The following HCRTR2 variants were observed in gnomAD, a reference collection of about 807,000 sequenced individuals.
The protein encoded by HCRTR2 is hypocretin receptor 2.
Under a neutral mutation model 49.0 loss-of-function variants are expected in HCRTR2, and 22 were observed. That is an observed-to-expected ratio of 0.45 (90% CI 0.32 to 0.64). The LOEUF (loss-of-function observed/expected upper bound fraction) is 0.64. Among genes scored for constraint, HCRTR2 ranks in the 30% least tolerant of loss-of-function variants. The pLI is 0.04. For synonymous variants in HCRTR2, 236 were observed against 205.3 expected, an observed-to-expected ratio of 1.15 and a Z score of -1.28; for missense variants, 491 against 559.4, an observed-to-expected ratio of 0.88 and a Z score of 1.23.
chr6:55,178,721 C>G (rs978782082), intron 1 of HCRTR2, among the ~76,000 whole-genome samples: 1 of 152,164 alleles, frequency 6.6e-6, no homozygotes, highest in East Asian at 1.9e-4. Flanking sequence ...TGTTGGCACA[C>G]ATTACTCTCC....
In HCRTR2 at chr6:55,174,574, G is replaced by T; in HGVS notation, c.-14G>T. 1 of 1,609,718 alleles carries T rather than the reference G, an allele frequency of 6.2e-7. No individual in the cohort carries two copies. The highest frequency in any genetic ancestry group is 1.1e-5 in the South Asian group (1 of 90,980). On this transcript the variant is annotated 5_prime_UTR_variant, in exon 1 of 7. Transcript: ENST00000370862. ...GAGCTTGCAGCATTGAGCGGAACCG[G>T]ACTTGAGCCCGTGATGTCCGGCACC...
upstream of HCRTR2, chr6:55,174,192 C>CTT (rs1200943273): frequency 3.2e-4 from 57 of 175,698 alleles, no homozygotes; most frequent in South Asian, 8.4e-4. Context: ...GTTTTCATTA[C>CTT]TTTTTTTTTT....
At chr6:55,242,722 C>G (rs1024330224) in intron 1 of HCRTR2, among the ~76,000 whole-genome samples, 1 of 152,132 alleles carries the variant, frequency 6.6e-6, no homozygotes, top group African/African-American at 2.4e-5. Context: ...AGTCTTAGCA[C>G]CAGCATATCA....
At chr6:55,236,194 C>T (rs7754675) in intron 1 of HCRTR2, among the ~76,000 whole-genome samples, 50,162 of 151,670 alleles carry the variant, frequency 0.33, 8,851 homozygotes, top group African/African-American at 0.45. Context: ...TTTTACAGTG[C>T]AGAAATCATG....
At chr6:55,182,262 A>T (rs770513945) in intron 1 of HCRTR2, among the ~76,000 whole-genome samples, 2 of 152,232 alleles carry the variant, frequency 1.3e-5, no homozygotes, top group Non-Finnish European at 2.9e-5. Context: ...TGATAGTCAC[A>T]TCATCGTGTA....
At chr6:55,242,658 A>G (rs887597738) in intron 1 of HCRTR2, among the ~76,000 whole-genome samples, 4 of 152,224 alleles carry the variant, frequency 2.6e-5, no homozygotes, top group African/African-American at 9.6e-5. Flanking sequence ...AGGCCCAAGT[A>G]TATGTTTAAT....
At chr6:55,192,570 CA>C (rs1232029984) in intron 1 of HCRTR2, among the ~76,000 whole-genome samples, 1 of 152,072 alleles carries the variant, frequency 6.6e-6, no homozygotes, top group African/African-American at 2.4e-5. Flanking sequence ...GCCTGGGTGA[CA>C]AAAAGAAAGT....
intron 1 of HCRTR2, among the ~76,000 whole-genome samples, chr6:55,158,803 G>A (rs968086218): frequency 3.9e-5 from 6 of 152,180 alleles, no homozygotes; most frequent in South Asian, 2.1e-4. Context: ...CAGCAGCTGC[G>A]GTCAGGAGCT....
Position 55,280,412 on chromosome 6 carries a change from C to T in HCRTR2, c.1073C>T (p.Ala358Val). 6.2e-7 allele frequency: 1 copy of T among 1,611,668 alleles called. No homozygotes were observed. Among genetic ancestry groups the T allele is most frequent in the Non-Finnish European group, 8.5e-7 (1 of 1,177,932 alleles). The part of the protein sequence containing the change: ...FSHWLVYANS[A>V]ANPIIYNFLS... ...CACTGGCTTGTATATGCCAATAGTG[C>T]TGCGAATCCAATTATTTATAATTTT... The change falls in exon 6 of 7, where the codon GCT becomes GTT. Residue 358 changes from alanine to valine, a missense_variant. Ala to Val is a moderately conservative substitution (Grantham distance 64, BLOSUM62 0). Coordinates refer to ENST00000370862, the MANE Select transcript of HCRTR2 (RefSeq NM_001384272.1).
chr6:55,279,612 A>G (rs1767149464), intron 5 of HCRTR2, among the ~76,000 whole-genome samples: 1 of 151,788 alleles, frequency 6.6e-6, no homozygotes, highest in Non-Finnish European at 1.5e-5. Context: ...TTTTTGGCCT[A>G]TAATCTTATT....
chr6:55,155,007 A>T (rs1157193802), intron 1 of HCRTR2, among the ~76,000 whole-genome samples: 1 of 151,782 alleles, frequency 6.6e-6, no homozygotes, highest in Non-Finnish European at 1.5e-5. Context: ...AAATCTTAAG[A>T]ACAAATTTAA....
intron 1 of HCRTR2, among the ~76,000 whole-genome samples, chr6:55,205,805 A>G (rs1765590455): frequency 6.6e-6 from 1 of 152,022 alleles, no homozygotes; most frequent in Admixed American, 6.6e-5. Context: ...GTTTTTACCC[A>G]TGTTTTCAGC....
Position 55,260,256 on chromosome 6 carries a change from T to C in HCRTR2, c.647-3451T>C, listed in dbSNP as rs187753505. ...ACAGGGCTTCGCAGGTATGTAAGCT[T>C]CAAAGTTATATAGATTTTGTCATGA... On this transcript the variant is annotated intron_variant, in intron 3 of 6. Transcript: ENST00000370862. Among the ~76,000 whole-genome samples the C allele has an allele frequency of 1.4e-3, 220 of 152,278 alleles. 3 individuals carry two copies. The highest frequency in any genetic ancestry group is 0.011 in the East Asian group (59 of 5,180).
At chr6:55,169,542 C>A (rs1764920378), upstream of HCRTR2, among the ~76,000 whole-genome samples, 1 of 150,882 alleles carries the variant, frequency 6.6e-6, no homozygotes, top group Non-Finnish European at 1.5e-5. Flanking sequence ...AATGTCTAGA[C>A]CCCCTGTGAT....
chr6:55,271,990 C>A (rs1766982504), intron 4 of HCRTR2, among the ~76,000 whole-genome samples: 1 of 152,130 alleles, frequency 6.6e-6, no homozygotes, highest in Non-Finnish European at 1.5e-5. Flanking sequence ...TACCACATTA[C>A]CCACTAATTC....
At chr6:55,200,633 T>C (rs999702120) in intron 1 of HCRTR2, among the ~76,000 whole-genome samples, 1 of 152,212 alleles carries the variant, frequency 6.6e-6, no homozygotes, top group Non-Finnish European at 1.5e-5. Flanking sequence ...TGAGTCCATA[T>C]ATCTTTTTAC....
upstream of HCRTR2, chr6:55,174,108 A>C (rs1581807381): frequency 4.6e-6 from 1 of 218,534 alleles, no homozygotes; most frequent in East Asian, 1.2e-4. Context: ...TGCACGTAAA[A>C]ATAGAGAAAA....
At chr6:55,134,056 T>G (rs148506611) in intron 1 of HCRTR2, among the ~76,000 whole-genome samples, 1 of 151,962 alleles carries the variant, frequency 6.6e-6, no homozygotes, top group Admixed American at 6.6e-5. Context: ...ATTTCTTTTC[T>G]TTTTTCTTTG....
At chr6:55,180,965 A>ATTTTTTTT (rs11441768) in intron 1 of HCRTR2, among the ~76,000 whole-genome samples, 3 of 139,356 alleles carry the variant, frequency 2.2e-5, no homozygotes, top group Non-Finnish European at 3.1e-5. Context: ...ATGCCCAGCT[A>ATTTTTTTT]TTTTTTTTTT....
Sources: gnomAD v4.1 joint callset for allele counts (sites outside exome capture counted in the v4.1 genomes callset) on GRCh38, gnomAD v4.1.1 for gene constraint, MANE v1.5 for transcripts, NCBI Gene and HGNC (gene_info 2026-07-23, HGNC 2026-07-21) for gene names.